Variants in PRH1 observed in about 807,000 individuals in gnomAD.
PRH1 encodes the protein proline rich protein HaeIII subfamily 1, also known as salivary acidic proline-rich phosphoprotein 1/2.
In PRH1, 7 loss-of-function variants were observed where a neutral mutation model predicts 7.9. That is an observed-to-expected ratio of 0.89 (90% CI 0.50 to 1.67). The LOEUF (loss-of-function observed/expected upper bound fraction) is 1.67. Ranked by LOEUF, PRH1 falls within the 40% of genes most tolerant of loss-of-function variation. The pLI, the probability that PRH1 is intolerant of heterozygous loss-of-function variation, is 0.00. For synonymous variants in PRH1, 45 were observed against 80.8 expected, an observed-to-expected ratio of 0.56 and a Z score of 2.38; for missense variants, 109 against 223.6, an observed-to-expected ratio of 0.49 and a Z score of 3.27.
At chr12:10,893,024 A>T (rs1400338958) in intron 2 of PRH1, among the ~76,000 whole-genome samples, 1 of 152,202 alleles carries the variant, frequency 6.6e-6, no homozygotes, top group Non-Finnish European at 1.5e-5. Flanking sequence ...TTATATCAAT[A>T]ACTGATTTTA....
chr12:11,149,039 A>G (rs1023722581), intron 1 of PRH1, among the ~76,000 whole-genome samples: 2 of 151,208 alleles, frequency 1.3e-5, no homozygotes, highest in African/African-American at 4.9e-5. Context: ...CAAGGAATTT[A>G]TCCATTTCTT....
intron 1 of PRH1, among the ~76,000 whole-genome samples, chr12:10,980,537 AT>A (rs1313888917): frequency 6.6e-6 from 1 of 152,082 alleles, no homozygotes; most frequent in Non-Finnish European, 1.5e-5. Context: ...GCTTTATATA[AT>A]GAGAAATATG....
intron 2 of PRH1, among the ~76,000 whole-genome samples, chr12:10,946,961 C>T (rs1003140869): frequency 6.6e-6 from 1 of 151,964 alleles, no homozygotes; most frequent in Admixed American, 6.6e-5. Flanking sequence ...ATTGTGTTGA[C>T]TTTTATTTTT....
At chr12:11,023,234 T>C (rs903611470) in intron 1 of PRH1, among the ~76,000 whole-genome samples, 67 of 152,272 alleles carry the variant, frequency 4.4e-4, no homozygotes, top group African/African-American at 1.5e-3. Flanking sequence ...CCTAAACACA[T>C]AGACACACAT....
At chr12:11,040,178 T>C (rs1942648564) in intron 1 of PRH1, among the ~76,000 whole-genome samples, 1 of 152,230 alleles carries the variant, frequency 6.6e-6, no homozygotes, top group South Asian at 2.1e-4. Context: ...GTTTAATTTA[T>C]TTTTGATTAC....
At chr12:11,059,992 A>G (rs532319944) in intron 1 of PRH1, among the ~76,000 whole-genome samples, 57 of 152,116 alleles carry the variant, frequency 3.7e-4, no homozygotes, top group Admixed American at 2.6e-3. Context: ...TTCAACAGAA[A>G]GCAAGACAGA....
chr12:10,884,428 A>T (rs533543100), upstream of PRH1, among the ~76,000 whole-genome samples: 8 of 152,220 alleles, frequency 5.3e-5, no homozygotes, highest in African/African-American at 1.9e-4. Flanking sequence ...GTTGGGTAGG[A>T]TATTGTTTGT....
At chr12:10,986,064 G>C (rs867288723) in intron 1 of PRH1, 1 of 1,614,070 alleles carries the variant, frequency 6.2e-7, no homozygotes, top group East Asian at 2.2e-5. Context: ...GTTTCCAACA[G>C]CCTTGCTAAC....
At chr12:11,130,343 G>A (rs560784121) in intron 1 of PRH1, among the ~76,000 whole-genome samples, 17 of 152,236 alleles carry the variant, frequency 1.1e-4, no homozygotes, top group African/African-American at 3.9e-4. Flanking sequence ...CACATGCTGA[G>A]ACAATCTTTT....
chr12:11,138,989 G>A (rs558071678), intron 1 of PRH1, among the ~76,000 whole-genome samples: 12 of 152,220 alleles, frequency 7.9e-5, no homozygotes, highest in East Asian at 7.7e-4. Context: ...GCATTGAGCC[G>A]CGATTGCACT....
intron 1 of PRH1, among the ~76,000 whole-genome samples, chr12:11,045,929 G>C (rs558549538): frequency 6.6e-6 from 1 of 152,244 alleles, no homozygotes; most frequent in Non-Finnish European, 1.5e-5. Flanking sequence ...ATTTTATGGA[G>C]TGGCTATTTG....
intron 1 of PRH1, among the ~76,000 whole-genome samples, chr12:11,142,489 A>C (rs984078682): frequency 1.3e-5 from 2 of 152,236 alleles, no homozygotes; most frequent in Non-Finnish European, 2.9e-5. Context: ...CTCACATTAC[A>C]GTAGACAAAA....
intron 1 of PRH1, among the ~76,000 whole-genome samples, chr12:10,984,950 T>G (rs1284541931): frequency 6.6e-6 from 1 of 152,018 alleles, no homozygotes; most frequent in African/African-American, 2.4e-5. Context: ...TCTATACTAT[T>G]TTTACATAGA....
chr12:11,098,268 G>A (rs1945121870), intron 1 of PRH1, among the ~76,000 whole-genome samples: 1 of 150,610 alleles, frequency 6.6e-6, no homozygotes. Context: ...TTGTAAATCT[G>A]CTGGGTCATT....
chr12:11,024,670 A>T lies in PRH1; in HGVS notation c.-126+22350T>A, dbSNP rs187655945. On this transcript the variant is annotated intron_variant, in intron 1 of 3. Coordinates refer to the PRH1 transcript ENST00000539853. ...TTTTTCATTTTTTGATTTTACTGTA[A>T]TTATTTATCCATCCTTATTTGATAT... Among the ~76,000 whole-genome samples the T allele has an allele frequency of 3.4e-3, 516 of 151,608 alleles. 1 individual carries two copies. Among genetic ancestry groups the T allele is most frequent in the African/African-American group, 0.012 (481 of 41,412 alleles).
chr12:11,141,670 C>T (rs747909193), intron 1 of PRH1, among the ~76,000 whole-genome samples: 16 of 152,106 alleles, frequency 1.1e-4, no homozygotes, highest in Non-Finnish European at 1.9e-4. Flanking sequence ...AGTTAATATA[C>T]TATTTGTATA....
At chr12:11,149,773 T>C (rs1045542198) in intron 1 of PRH1, among the ~76,000 whole-genome samples, 6 of 137,960 alleles carry the variant, frequency 4.3e-5, no homozygotes, top group African/African-American at 1.3e-4. Flanking sequence ...GGACTTCATG[T>C]CTAAAACACC....
intron 1 of PRH1, chr12:11,022,643 C>A: frequency 9.1e-7 from 1 of 1,104,116 alleles, no homozygotes; most frequent in East Asian, 2.5e-5. Flanking sequence ...ATGTTAACTT[C>A]GATGAACACT....
chr12:10,999,196 C>T (rs1378750715), intron 1 of PRH1, among the ~76,000 whole-genome samples: 1 of 152,124 alleles, frequency 6.6e-6, no homozygotes, highest in Non-Finnish European at 1.5e-5. Context: ...TATAGGTACT[C>T]TGCTAATCCA....
Sources: allele counts gnomAD v4.1 joint callset (sites outside exome capture counted in the v4.1 genomes callset), GRCh38; gene constraint gnomAD v4.1.1; transcripts MANE v1.5; gene names NCBI Gene and HGNC (gene_info 2026-07-23, HGNC 2026-07-21).